Variants in MB21D2 observed in about 807,000 individuals in gnomAD.
The protein encoded by MB21D2 is nucleotidyltransferase MB21D2.
MB21D2 carries 9 observed loss-of-function variants against 33.3 expected under a neutral mutation model. The observed-to-expected ratio is 0.27, with a 90% CI of 0.16 to 0.47. The LOEUF (loss-of-function observed/expected upper bound fraction) is 0.47, where lower values mean the gene tolerates loss of function less well. Ranked by LOEUF, MB21D2 falls within the 20% of genes least tolerant of loss-of-function variation. The pLI is 0.99. For missense variants in MB21D2, 540 were observed against 624.6 expected (o/e 0.86, Z 1.44); for synonymous variants, 241 against 236.3 (o/e 1.02, Z -0.18).
intron 1 of MB21D2, among the ~76,000 whole-genome samples, chr3:192,805,559 T>C (rs1247810343): frequency 6.6e-6 from 1 of 152,204 alleles, no homozygotes; most frequent in Non-Finnish European, 1.5e-5. Flanking sequence ...ATTTAAAAGA[T>C]GTCACTCCAA....
At chr3:192,807,634 T>C (rs922241398) in intron 1 of MB21D2, among the ~76,000 whole-genome samples, 12 of 152,144 alleles carry the variant, frequency 7.9e-5, no homozygotes, top group Admixed American at 2.0e-4. Flanking sequence ...GAAGTCTACA[T>C]TTTGGAAGAA....
intron 1 of MB21D2, among the ~76,000 whole-genome samples, chr3:192,823,516 G>A (rs1712103197): frequency 6.6e-6 from 1 of 152,108 alleles, no homozygotes. Flanking sequence ...TTAGCCGGGT[G>A]TGGTGGCGCA....
At chr3:192,845,639 GAAGGGCCTT>G (rs992694031) in intron 1 of MB21D2, among the ~76,000 whole-genome samples, 2 of 152,218 alleles carry the variant, frequency 1.3e-5, no homozygotes, top group Non-Finnish European at 2.9e-5. Flanking sequence ...ACAGTGCTCA[GAAGGGCCTT>G]AAGGAAAGGG....
At position 192,798,354 on chromosome 3, in the gene MB21D2, A is replaced by G. The variant is rs2108606822; in HGVS notation, c.*32T>C. ...ACCACACGACACATTATCAGAGTTT[A>G]AGAATCAGGAAAAAAAAAAGTCAGC... is the stretch of plus-strand genomic sequence containing the variant. On this transcript the variant is annotated 3_prime_UTR_variant, in exon 2 of 2. Transcript: ENST00000392452. The surrounding 1 kb of genome is among the most constrained non-coding windows in gnomAD (Gnocchi z 4.8). 1 of 1,602,712 alleles carries G rather than the reference A, an allele frequency of 6.2e-7. No homozygotes were observed. The highest frequency in any genetic ancestry group is 2.2e-5 in the East Asian group (1 of 44,794).
chr3:192,902,010 A>G (rs1714115013), intron 1 of MB21D2, among the ~76,000 whole-genome samples: 1 of 152,178 alleles, frequency 6.6e-6, no homozygotes, highest in Non-Finnish European at 1.5e-5. Flanking sequence ...ATTAGCTGGG[A>G]CGCACCTTCT....
chr3:192,813,678 A>G (rs970828547), intron 1 of MB21D2, among the ~76,000 whole-genome samples: 2 of 152,180 alleles, frequency 1.3e-5, no homozygotes, highest in Admixed American at 1.3e-4. Flanking sequence ...AGTCAAGATG[A>G]GTATACAAAG....
intron 1 of MB21D2, among the ~76,000 whole-genome samples, chr3:192,840,472 T>A (rs1712546765): frequency 1.4e-5 from 2 of 138,796 alleles, no homozygotes; most frequent in Non-Finnish European, 3.0e-5. Context: ...TGAAGCTAAG[T>A]CGTGGTATCC....
chr3:192,844,363 C>T (rs1264132505), intron 1 of MB21D2, among the ~76,000 whole-genome samples: 1 of 152,128 alleles, frequency 6.6e-6, no homozygotes, highest in Non-Finnish European at 1.5e-5. Flanking sequence ...TCTTCATCAC[C>T]CTGTCATGAG....
At chr3:192,808,278 C>T (rs146667474) in intron 1 of MB21D2, among the ~76,000 whole-genome samples, 120 of 152,130 alleles carry the variant, frequency 7.9e-4, no homozygotes, top group African/African-American at 2.7e-3. Flanking sequence ...TAATCACACA[C>T]GAATCAACAT....
intron 1 of MB21D2, among the ~76,000 whole-genome samples, chr3:192,870,731 AGAAGGAAG>A (rs71177381): frequency 3.0e-5 from 4 of 132,742 alleles, no homozygotes; most frequent in Admixed American, 8.1e-5. Context: ...GAAGGAGAGA[AGAAGGAAG>A]GAAGGAAGGA....
intron 1 of MB21D2, among the ~76,000 whole-genome samples, chr3:192,842,067 T>C (rs974848100): frequency 6.7e-6 from 1 of 149,266 alleles, no homozygotes; most frequent in African/African-American, 2.6e-5. Flanking sequence ...GACTGGGAAG[T>C]AGCTAGGAGG....
At chr3:192,880,326 G>A (rs1407621233) in intron 1 of MB21D2, among the ~76,000 whole-genome samples, 1 of 151,972 alleles carries the variant, frequency 6.6e-6, no homozygotes, top group African/African-American at 2.4e-5. Flanking sequence ...CAGCCTGGGT[G>A]ACAGTGTGAG....
In MB21D2 at chr3:192,878,081, C is replaced by CTTTTTTTTTTTTTTTTTTTTTTTT. The variant is rs11294126; in HGVS notation, c.211+39548_211+39549insAAAAAAAAAAAAAAAAAAAAAAAA. ...GAAACATCTTCAAACAATTCCTCCT[C>CTTTTTTTTTTTTTTTTTTTTTTTT]TTTTTTTTTTTTTTTTTTTTGGTTT... On this transcript the variant is annotated intron_variant, in intron 1 of 1. Coordinates refer to ENST00000392452, the MANE Select transcript of MB21D2 (RefSeq NM_178496.4). Among the ~76,000 whole-genome samples, 5 of 119,532 alleles carry CTTTTTTTTTTTTTTTTTTTTTTTT rather than the reference C, an allele frequency of 4.2e-5. 1 individual carries two copies. The highest frequency in any genetic ancestry group is 6.6e-5 in the Non-Finnish European group (4 of 60,500). The allele number at this position is 119,532 out of a possible 152,430, so 78.4% of individuals were successfully genotyped here.
At chr3:192,835,069 A>C (rs1422925958) in intron 1 of MB21D2, among the ~76,000 whole-genome samples, 1 of 148,964 alleles carries the variant, frequency 6.7e-6, no homozygotes, top group Admixed American at 6.7e-5. Context: ...CAGCCTCCCA[A>C]AGTGCTGGGA....
chr3:192,916,455 C>A (rs1435046335), intron 1 of MB21D2, among the ~76,000 whole-genome samples: 1 of 152,170 alleles, frequency 6.6e-6, no homozygotes, highest in Non-Finnish European at 1.5e-5. Context: ...GCCAAAAGAC[C>A]TTTCCCAATC....
At chr3:192,903,862 C>T (rs1217647165) in intron 1 of MB21D2, among the ~76,000 whole-genome samples, 5 of 152,188 alleles carry the variant, frequency 3.3e-5, no homozygotes, top group East Asian at 3.8e-4. Context: ...CTCCTGCATT[C>T]GCCATGTGAA....
chr3:192,820,558 C>T (rs1712024924), intron 1 of MB21D2, among the ~76,000 whole-genome samples: 1 of 152,208 alleles, frequency 6.6e-6, no homozygotes, highest in Non-Finnish European at 1.5e-5. Context: ...TATTGATTCT[C>T]GCCTATAGAC....
chr3:192,868,940 A>G (rs58361161), intron 1 of MB21D2, among the ~76,000 whole-genome samples: 5,392 of 152,348 alleles, frequency 0.035, 235 homozygotes, highest in East Asian at 0.15. Flanking sequence ...AACTATGTCC[A>G]TGAAATAATA....
intron 1 of MB21D2, among the ~76,000 whole-genome samples, chr3:192,805,630 C>T (rs1408898707): frequency 1.3e-5 from 2 of 152,174 alleles, no homozygotes; most frequent in Non-Finnish European, 2.9e-5. Flanking sequence ...ACACTGGACT[C>T]AACATAGGCT....
Sources: gnomAD v4.1 joint callset for allele counts (sites outside exome capture counted in the v4.1 genomes callset) on GRCh38, gnomAD v4.1.1 for gene constraint, Gnocchi (gnomAD v3.1) non-coding constraint, MANE v1.5 for transcripts, NCBI Gene and HGNC (gene_info 2026-07-23, HGNC 2026-07-21) for gene names.